The following SLC25A26 variants were observed in gnomAD, a reference collection of about 807,000 sequenced individuals.
SLC25A26 encodes mitochondrial S-adenosylmethionine carrier protein.
A neutral mutation model predicts 37.8 loss-of-function variants in SLC25A26; 36 were observed. That is an observed-to-expected ratio of 0.95 (90% CI 0.73 to 1.26). SLC25A26 has a LOEUF of 1.26. Ranked by LOEUF, SLC25A26 falls within the 50% of genes most tolerant of loss-of-function variation. SLC25A26 has a pLI of 0.00. For missense variants in SLC25A26, 390 were observed against 331.1 expected (o/e 1.18, Z -1.38); for synonymous variants, 129 against 122.5 (o/e 1.05, Z -0.35).
At chr3:66,233,215 A>G (rs573560431) in intron 1 of SLC25A26, among the ~76,000 whole-genome samples, 108 of 152,362 alleles carry the variant, frequency 7.1e-4, no homozygotes, top group African/African-American at 2.5e-3. Context: ...ATTCTGACCT[A>G]TAACTTCTCA....
intron 1 of SLC25A26, among the ~76,000 whole-genome samples, chr3:66,142,084 T>G (rs983044686): frequency 1.3e-5 from 2 of 152,244 alleles, no homozygotes; most frequent in Non-Finnish European, 2.9e-5. Flanking sequence ...TCTTCAATTC[T>G]GAAACATTTT....
chr3:66,281,133 A>T (rs926516557), intron 5 of SLC25A26, among the ~76,000 whole-genome samples: 1 of 152,136 alleles, frequency 6.6e-6, no homozygotes. Flanking sequence ...CGGTCCCATA[A>T]TCTGGATTAT....
At chr3:66,285,070 G>T (rs893792705) in intron 5 of SLC25A26, among the ~76,000 whole-genome samples, 2 of 152,048 alleles carry the variant, frequency 1.3e-5, no homozygotes, top group Non-Finnish European at 2.9e-5. Context: ...GCCTAGTAGG[G>T]GTCTTCTGGT....
At chr3:66,235,371 T>G (rs1175985763) in intron 1 of SLC25A26, among the ~76,000 whole-genome samples, 1 of 152,228 alleles carries the variant, frequency 6.6e-6, no homozygotes, top group Non-Finnish European at 1.5e-5. Flanking sequence ...TTAATCAGTT[T>G]TTAAAGTACA....
chr3:66,148,143 A>G lies in SLC25A26; in HGVS notation c.-354+14159A>G, dbSNP rs58751640. On this transcript the variant is annotated intron_variant, in intron 1 of 10. Coordinates refer to the SLC25A26 transcript ENST00000676754. ...TTAACTTCCATTTCTCTGATGATTA[A>G]TGATGTTGAGCATTTTTTCATATGT... is the stretch of plus-strand genomic sequence containing the variant. Among the ~76,000 whole-genome samples the G allele has an allele frequency of 5.8e-3, 884 of 152,278 alleles. 8 individuals carry two copies. Among genetic ancestry groups the G allele is most frequent in the African/African-American group, 0.02 (841 of 41,536 alleles).
intron 5 of SLC25A26, among the ~76,000 whole-genome samples, chr3:66,342,704 G>C (rs1203689158): frequency 6.6e-6 from 1 of 152,082 alleles, no homozygotes; most frequent in Non-Finnish European, 1.5e-5. Context: ...ACCACACCCA[G>C]ATTTCATTTT....
At chr3:66,283,242 G>T (rs1015516010) in intron 5 of SLC25A26, among the ~76,000 whole-genome samples, 1 of 152,128 alleles carries the variant, frequency 6.6e-6, no homozygotes, top group African/African-American at 2.4e-5. Flanking sequence ...GCCATGTGGT[G>T]AGTGTATATT....
intron 9 of SLC25A26, chr3:66,371,461 A>C (rs1700340852): frequency 5.2e-6 from 7 of 1,353,724 alleles, no homozygotes; most frequent in Non-Finnish European, 6.7e-6. Context: ...AGCACATCCT[A>C]GATTGAAATT....
chr3:66,151,055 A>G (rs1011089798), intron 1 of SLC25A26, among the ~76,000 whole-genome samples: 1 of 152,124 alleles, frequency 6.6e-6, no homozygotes, highest in African/African-American at 2.4e-5. Flanking sequence ...TCTACAGACA[A>G]GGAAGCTGAG....
intron 2 of SLC25A26, among the ~76,000 whole-genome samples, chr3:66,240,457 A>G (rs1188381099): frequency 6.6e-6 from 1 of 151,776 alleles, no homozygotes; most frequent in Non-Finnish European, 1.5e-5. Context: ...CTGGCTAATT[A>G]TTTATTTTTT....
At chr3:66,206,087 T>A (rs987570024) in intron 1 of SLC25A26, among the ~76,000 whole-genome samples, 25 of 152,200 alleles carry the variant, frequency 1.6e-4, no homozygotes, top group African/African-American at 6.0e-4. Context: ...TATTTATGAG[T>A]ATACACCCAC....
chr3:66,209,879 CCT>C (rs1371306688), intron 1 of SLC25A26, among the ~76,000 whole-genome samples: 12 of 63,726 alleles, frequency 1.9e-4, no homozygotes, highest in Non-Finnish European at 2.5e-4. Context: ...TATATATACT[CCT>C]CTCTCTCTCT....
At chr3:66,324,198 G>C (rs1197512928) in intron 5 of SLC25A26, 1 of 150,458 alleles carries the variant, frequency 6.6e-6, no homozygotes, top group Non-Finnish European at 1.5e-5. Context: ...GTGTGTGTGT[G>C]TGTGTGTGTG....
At chr3:66,362,234 A>T (rs910474067) in intron 6 of SLC25A26, among the ~76,000 whole-genome samples, 1 of 152,212 alleles carries the variant, frequency 6.6e-6, no homozygotes, top group Non-Finnish European at 1.5e-5. Context: ...AAAGACCTGT[A>T]TACAAATGTT....
At chr3:66,289,580 A>G (rs2074634380) in intron 5 of SLC25A26, among the ~76,000 whole-genome samples, 1 of 152,138 alleles carries the variant, frequency 6.6e-6, no homozygotes, top group African/African-American at 2.4e-5. Flanking sequence ...TAAGTAGGGA[A>G]TCCTTCCCCC....
chr3:66,171,106 A>T lies in SLC25A26; in HGVS notation c.-354+37122A>T, dbSNP rs150020087. On this transcript the variant is annotated intron_variant, in intron 1 of 10. Coordinates refer to the SLC25A26 transcript ENST00000676754. ...GCGTGAGCCACCGCGCCCGGCCGTG[A>T]TTATTGTTTCATTGAAAACATTACT... 7.8e-3 allele frequency among the ~76,000 whole-genome samples: 1,190 copies of T among 152,258 alleles called. 20 individuals are homozygous for T. The highest frequency in any genetic ancestry group is 0.027 in the African/African-American group (1,132 of 41,572).
chr3:66,147,612 G>T (rs1247995467), intron 1 of SLC25A26, among the ~76,000 whole-genome samples: 1 of 152,116 alleles, frequency 6.6e-6, no homozygotes, highest in Non-Finnish European at 1.5e-5. Flanking sequence ...CTAGTAGTGG[G>T]ATTGCTGGAT....
chr3:66,172,410 G>GAAAAAAAAAAAAAAAAAAAA (rs1199322248), intron 1 of SLC25A26, among the ~76,000 whole-genome samples: 17 of 75,204 alleles, frequency 2.3e-4, no homozygotes, highest in South Asian at 6.0e-4. Context: ...TACCTGTAAA[G>GAAAAAAAAAAAAAAAAAAAA]AAAAAAAAAA....
At chr3:66,352,588 A>G (rs751314026) in intron 6 of SLC25A26, among the ~76,000 whole-genome samples, 3 of 138,946 alleles carry the variant, frequency 2.2e-5, no homozygotes, top group Non-Finnish European at 5.1e-5. Flanking sequence ...GAAAATTGAC[A>G]AATAATATCT....
Sources: allele counts gnomAD v4.1 joint callset (sites outside exome capture counted in the v4.1 genomes callset), GRCh38; gene constraint gnomAD v4.1.1; transcripts MANE v1.5; gene names NCBI Gene and HGNC (gene_info 2026-07-23, HGNC 2026-07-21).